SHC4: variants seen among roughly 807,000 people sequenced by gnomAD.
The protein encoded by SHC4 is SHC adaptor protein 4.
In SHC4, 41 loss-of-function variants were observed where a neutral mutation model predicts 69.4. The observed-to-expected ratio is 0.59, with a 90% CI of 0.46 to 0.77. SHC4 has a LOEUF of 0.77. SHC4 is among the 30% of genes least tolerant of loss of function. SHC4 has a pLI of 0.00. For synonymous variants in SHC4, 318 were observed against 299.3 expected, an observed-to-expected ratio of 1.06 and a Z score of -0.64; for missense variants, 777 against 783.8, an observed-to-expected ratio of 0.99 and a Z score of 0.10.
intron 2 of SHC4, among the ~76,000 whole-genome samples, chr15:48,921,515 T>G (rs1900753655): frequency 1.3e-5 from 2 of 152,254 alleles, no homozygotes; most frequent in South Asian, 4.1e-4. Context: ...TGTATTTTTT[T>G]AGTAGAAACA....
intron 11 of SHC4, among the ~76,000 whole-genome samples, chr15:48,833,729 C>T (rs150009066): frequency 1.3e-5 from 2 of 152,346 alleles, no homozygotes; most frequent in East Asian, 3.9e-4. Context: ...GCAAGCTCTA[C>T]TCTCCTCTTT....
chr15:48,859,200 G>A (rs1465140634), intron 6 of SHC4, among the ~76,000 whole-genome samples: 1 of 152,128 alleles, frequency 6.6e-6, no homozygotes, highest in Non-Finnish European at 1.5e-5. Flanking sequence ...CTATAACAGT[G>A]TTTCTCAGCC....
intron 10 of SHC4, among the ~76,000 whole-genome samples, chr15:48,843,084 T>C (rs1035171932): frequency 3.9e-5 from 6 of 152,186 alleles, no homozygotes; most frequent in African/African-American, 1.4e-4. Flanking sequence ...CATCTCCTCC[T>C]AAATCCAGTG....
intron 7 of SHC4, among the ~76,000 whole-genome samples, chr15:48,857,420 A>C (rs1247603040): frequency 2.0e-5 from 3 of 152,190 alleles, no homozygotes; most frequent in African/African-American, 7.2e-5. Context: ...ATAGTGCTAG[A>C]ATAACAGAGA....
intron 4 of SHC4, chr15:48,879,710 T>C (rs183861724): frequency 4.2e-5 from 7 of 167,236 alleles, no homozygotes; most frequent in Admixed American, 2.6e-4. Flanking sequence ...AGAAATTACC[T>C]TGGTATCTGA....
intron 3 of SHC4, among the ~76,000 whole-genome samples, chr15:48,889,825 C>A (rs1250604245): frequency 3.3e-5 from 5 of 152,216 alleles, no homozygotes; most frequent in African/African-American, 1.2e-4. Flanking sequence ...ACCTGGGCAA[C>A]AGAGCGAGAC....
At chr15:48,850,230 T>A (rs534007230) in intron 9 of SHC4, among the ~76,000 whole-genome samples, 1 of 145,006 alleles carries the variant, frequency 6.9e-6, no homozygotes, top group South Asian at 2.2e-4. Flanking sequence ...TATAAATAAA[T>A]AAATAAACTA....
chr15:48,914,921 C>T (rs1900587922), intron 2 of SHC4, among the ~76,000 whole-genome samples: 4 of 152,220 alleles, frequency 2.6e-5, no homozygotes, highest in Admixed American at 2.0e-4. Context: ...ACTCCCCCTA[C>T]TGCCTGACAG....
chr15:48,825,647 C>T lies in SHC4; in HGVS notation c.*324G>A. The T allele has an allele frequency of 4.6e-6, 1 of 217,248 alleles. No individual in the cohort carries two copies. 13.5% of individuals were successfully genotyped at this position (217,248 alleles called of 1,614,324 possible). A position where few individuals can be genotyped will look rare whatever the true frequency, so the allele number is the denominator to read the frequency against. On this transcript the variant is annotated 3_prime_UTR_variant, in exon 12 of 12. Transcript: ENST00000332408. ...GGCACATACCACTGCCCCAGCAGTT[C>T]ATTCAAGTTGTCGTTAGCATGTGAA...
intron 2 of SHC4, among the ~76,000 whole-genome samples, chr15:48,904,449 A>G (rs542562657): frequency 1.3e-5 from 2 of 152,352 alleles, no homozygotes; most frequent in East Asian, 1.9e-4. Context: ...GATCTCTTCA[A>G]CTAGAAAGAG....
chr15:48,919,701 T>G (rs1900706935), intron 2 of SHC4, among the ~76,000 whole-genome samples: 1 of 152,260 alleles, frequency 6.6e-6, no homozygotes, highest in East Asian at 1.9e-4. Context: ...CTTTCATGGC[T>G]GGATCCCTTA....
intron 2 of SHC4, among the ~76,000 whole-genome samples, chr15:48,899,455 C>T (rs1277938675): frequency 2.6e-5 from 4 of 151,920 alleles, no homozygotes; most frequent in African/African-American, 7.3e-5. Flanking sequence ...GACAGAGCAA[C>T]CCTCCGTCTC....
intron 2 of SHC4, among the ~76,000 whole-genome samples, chr15:48,921,216 C>A (rs915034559): frequency 6.6e-6 from 1 of 151,890 alleles, no homozygotes; most frequent in Non-Finnish European, 1.5e-5. Context: ...CAGAAAAGGA[C>A]AAATACTGTA....
intron 2 of SHC4, among the ~76,000 whole-genome samples, chr15:48,907,862 G>GTGTGTGTA (rs1900438290): frequency 6.7e-6 from 1 of 150,038 alleles, no homozygotes; most frequent in Non-Finnish European, 1.5e-5. Flanking sequence ...ATATGTATAT[G>GTGTGTGTA]TATGTATATA....
intron 5 of SHC4, among the ~76,000 whole-genome samples, chr15:48,868,332 T>C (rs1430989817): frequency 6.6e-6 from 1 of 152,208 alleles, no homozygotes. Flanking sequence ...ACATGTTGGA[T>C]TTTGTGGTTG....
intron 1 of SHC4, among the ~76,000 whole-genome samples, chr15:48,948,644 G>A (rs1019525657): frequency 8.5e-5 from 13 of 152,184 alleles, no homozygotes; most frequent in African/African-American, 3.1e-4. Context: ...AGTGGCTCAC[G>A]CCTGTAATCC....
intron 10 of SHC4, among the ~76,000 whole-genome samples, chr15:48,836,975 C>G (rs1898910713): frequency 6.6e-6 from 1 of 152,132 alleles, no homozygotes; most frequent in Non-Finnish European, 1.5e-5. Context: ...TGTAACTGGC[C>G]TTAGTGCTGC....
chr15:48,963,060 C>A lies in SHC4; in HGVS notation c.-45G>T. On this transcript the variant is annotated 5_prime_UTR_variant, in exon 1 of 12. Coordinates refer to ENST00000332408, the MANE Select transcript of SHC4 (RefSeq NM_203349.4). ...CAGGATACTGTTGCATAAATCGCCT[C>A]GTCGTCTGGTAGATAAACGGTGCAG... 2.6e-6 allele frequency: 4 copies of A among 1,542,360 alleles called. No individual in the cohort carries two copies. The highest frequency in any genetic ancestry group is 3.5e-6 in the Non-Finnish European group (4 of 1,142,006).
chr15:48,963,125 C>T lies in SHC4; in HGVS notation c.-110G>A. The T allele has an allele frequency of 8.5e-7, 1 of 1,176,152 alleles. No homozygotes were observed. Among genetic ancestry groups the T allele is most frequent in the East Asian group, 2.4e-5 (1 of 41,584 alleles). The allele number at this position is 1,176,152 out of a possible 1,614,324, so 72.9% of individuals were successfully genotyped here. Reference sequence around the variant, plus strand: ...AACGCCCGATGCAACTCACAGCAGCCACCTCTCCAACTCTGCTCTCGAGCT... The same window carrying T: ...AACGCCCGATGCAACTCACAGCAGCTACCTCTCCAACTCTGCTCTCGAGCT... On this transcript the variant is annotated 5_prime_UTR_variant, in exon 1 of 12. Transcript: ENST00000332408.
Sources: gnomAD v4.1 joint callset for allele counts (sites outside exome capture counted in the v4.1 genomes callset) on GRCh38, gnomAD v4.1.1 for gene constraint, MANE v1.5 for transcripts, NCBI Gene and HGNC (gene_info 2026-07-23, HGNC 2026-07-21) for gene names.